Variants in GET3 observed in about 807,000 individuals in gnomAD.
GET3 encodes the protein guided entry of tail-anchored proteins factor 3, ATPase, also known as ATPase GET3.
In GET3, 15 loss-of-function variants were observed where a neutral mutation model predicts 32.4. That is an observed-to-expected ratio of 0.46 (90% CI 0.31 to 0.71). The LOEUF is 0.71. Among genes scored for constraint, GET3 ranks in the 30% least tolerant of loss-of-function variants. The pLI, the probability that GET3 is intolerant of heterozygous loss-of-function variation, is 0.05. For synonymous variants in GET3, 198 were observed against 185.6 expected, an observed-to-expected ratio of 1.07 and a Z score of -0.54; for missense variants, 333 against 459.0, an observed-to-expected ratio of 0.73 and a Z score of 2.51.
At position 12,745,286 on chromosome 19, in the gene GET3, C is replaced by T. The variant is rs936687359; in HGVS notation, c.310-91C>T. On this transcript the variant is annotated intron_variant, in intron 2 of 6. Coordinates refer to ENST00000357332, the MANE Select transcript of GET3 (RefSeq NM_004317.4). This position sits in a 1 kb window ranked among gnomAD's most constrained non-coding sequence, Gnocchi z 5.0. ...CACAGGCTCCCTCTGGCCCTGTGCCCGGGTAGGAAGGCTCCCCCTGGCCCT... is the reference window on the plus strand; with the variant it reads ...CACAGGCTCCCTCTGGCCCTGTGCCTGGGTAGGAAGGCTCCCCCTGGCCCT... The T allele has an allele frequency of 2.5e-5, 38 of 1,500,010 alleles. No homozygotes were observed. Among genetic ancestry groups the T allele is most frequent in the Middle Eastern group, 3.8e-4 (2 of 5,200 alleles). The allele number at this position is 1,500,010 out of a possible 1,614,324, so 92.9% of individuals were successfully genotyped here.
rs776785337 is a variant in GET3 at position 12,743,722 on chromosome 19, C to CTTTT, written c.310-1634_310-1631dup. Among the ~76,000 whole-genome samples the CTTTT allele has an allele frequency of 3.7e-4, 26 of 70,402 alleles. 1 individual carries two copies. The highest frequency in any genetic ancestry group is 1.3e-3 in the East Asian group (3 of 2,254). The allele number at this position is 70,402 out of a possible 152,430, so 46.2% of individuals were successfully genotyped here. On this transcript the variant is annotated intron_variant, in intron 2 of 6. Transcript: ENST00000357332. ...TGGGTGACAGAGCGAGACTCCATCT[C>CTTTT]TTTTTTTTTTTTTTTTTTTTTTTTG...
chr19:12,737,861 C>G (rs1967602511), intron 1 of GET3, among the ~76,000 whole-genome samples, 195 bp downstream of exon 1: 1 of 152,186 alleles, frequency 6.6e-6, no homozygotes, highest in South Asian at 2.1e-4. Flanking sequence ...GTTGGACCAT[C>G]CGTGTTGGGG....
chr19:12,745,839 C>T lies in GET3; in HGVS notation c.609+80C>T, dbSNP rs977001174. On this transcript the variant is annotated intron_variant, in intron 4 of 6. Transcript: ENST00000357332. The surrounding 1 kb of genome is among the most constrained non-coding windows in gnomAD (Gnocchi z 5.0). The stretch of plus-strand genomic sequence containing the variant: ...GCCCGGGCCCCCAGACCCTCAAATG[C>T]GCACTAACAATTCCCTTTCCTTCCC... 11 of 1,494,528 alleles carry T rather than the reference C, an allele frequency of 7.4e-6. No individual in the cohort carries two copies. Among genetic ancestry groups the T allele is most frequent in the African/African-American group, 4.2e-5 (3 of 71,600 alleles). 92.6% of individuals were successfully genotyped at this position (1,494,528 alleles called of 1,614,324 possible).
chr19:12,739,339 GT>G (rs1190553814), intron 2 of GET3, among the ~76,000 whole-genome samples: 1 of 149,108 alleles, frequency 6.7e-6, no homozygotes, highest in African/African-American at 2.4e-5. Context: ...TGTTAATTTT[GT>G]TTTTTTTAGG....
At chr19:12,743,701 T>C (rs202161303) in intron 2 of GET3, among the ~76,000 whole-genome samples, 7 of 136,348 alleles carry the variant, frequency 5.1e-5, no homozygotes, top group South Asian at 2.5e-4. Context: ...CCAGCCTGGG[T>C]GACAGAGCGA....
intron 2 of GET3, among the ~76,000 whole-genome samples, chr19:12,740,664 G>A (rs945720926): frequency 1.6e-4 from 24 of 152,210 alleles, no homozygotes; most frequent in African/African-American, 1.4e-4. Flanking sequence ...ACAACGGAGC[G>A]AGACTCAACA....
intron 2 of GET3, 113 bp downstream of exon 2, chr19:12,738,771 G>T (rs573232311): frequency 2.2e-6 from 3 of 1,353,376 alleles, no homozygotes; most frequent in Non-Finnish European, 3.0e-6. Flanking sequence ...TGTGTCTCTC[G>T]TGTTTCACTC....
At chr19:12,741,379 G>A (rs1455860713) in intron 2 of GET3, among the ~76,000 whole-genome samples, 1 of 150,482 alleles carries the variant, frequency 6.6e-6, no homozygotes, top group Non-Finnish European at 1.5e-5. Flanking sequence ...TGGCGTGAAC[G>A]CGGGAGGTGG....
chr19:12,739,119 C>A (rs887146791), intron 2 of GET3, among the ~76,000 whole-genome samples: 2 of 151,792 alleles, frequency 1.3e-5, no homozygotes, highest in Non-Finnish European at 1.5e-5. Context: ...ATGACAACAT[C>A]CTGGACTCTG....
rs1448852257 is a variant in GET3 at position 12,738,499 on chromosome 19, T to C, written c.162-12T>C. On this transcript the variant is annotated splice_polypyrimidine_tract_variant and intron_variant, in intron 1 of 6. Coordinates refer to ENST00000357332, the MANE Select transcript of GET3 (RefSeq NM_004317.4). ...CCCTCATCCCCTATCTTTTGACTTT[T>C]CCATTACTCAGCTGCAGCCTGGCAG... The C allele has an allele frequency of 2.0e-5, 33 of 1,613,728 alleles. No homozygotes were observed. Among genetic ancestry groups the C allele is most frequent in the Non-Finnish European group, 2.7e-5 (32 of 1,179,948 alleles).
Position 12,745,925 on chromosome 19 carries a change from C to G in GET3, c.609+166C>G, listed in dbSNP as rs544406967. 7.2e-4 allele frequency among the ~76,000 whole-genome samples: 109 copies of G among 152,302 alleles called. No individual in the cohort carries two copies. The highest frequency in any genetic ancestry group is 2.3e-3 in the African/African-American group (95 of 41,574). ...TGGGACGGAGCTGTCTTTCCTCCCC[C>G]ACAGGCAGGACTCAGTGTCCCTGCC... On this transcript the variant is annotated intron_variant, in intron 4 of 6. Coordinates refer to ENST00000357332, the MANE Select transcript of GET3 (RefSeq NM_004317.4). The surrounding 1 kb of genome is among the most constrained non-coding windows in gnomAD (Gnocchi z 5.0).
At chr19:12,744,469 G>A (rs1175520450) in intron 2 of GET3, among the ~76,000 whole-genome samples, 2 of 151,906 alleles carry the variant, frequency 1.3e-5, no homozygotes, top group Non-Finnish European at 2.9e-5. Flanking sequence ...ATAGGCACCC[G>A]CCACTATGCA....
rs1967760682 is a variant in GET3 at position 12,745,762 on chromosome 19, A to G, written c.609+3A>G. ...AGATCAGCCCTTTCATCTCACAGGC[A>G]GGCGGCGGGGGCCCCCACCTGCACC... On this transcript the variant is annotated splice_donor_region_variant and intron_variant, in intron 4 of 6. Coordinates refer to ENST00000357332, the MANE Select transcript of GET3 (RefSeq NM_004317.4). The surrounding 1 kb of genome is among the most constrained non-coding windows in gnomAD (Gnocchi z 5.0). The G allele has an allele frequency of 6.2e-7, 1 of 1,601,802 alleles. No homozygotes were observed. The highest frequency in any genetic ancestry group is 1.1e-5 in the South Asian group (1 of 90,112).
rs1368653097 is a variant in GET3 at position 12,740,109 on chromosome 19, G to A, written c.309+1451G>A. ...CAAAAAAAAAAAAAATTGGCTGGGC[G>A]CAGTGGCTCACTCCTGTCATCCCAG... On this transcript the variant is annotated intron_variant, in intron 2 of 6. Coordinates refer to ENST00000357332, the MANE Select transcript of GET3 (RefSeq NM_004317.4). 5.3e-5 allele frequency among the ~76,000 whole-genome samples: 8 copies of A among 151,802 alleles called. No individual in the cohort carries two copies. The East Asian group carries it at 7.7e-4, about 15-fold the overall frequency.
chr19:12,738,305 C>G (rs1023631082), intron 1 of GET3, among the ~76,000 whole-genome samples: 1 of 152,134 alleles, frequency 6.6e-6, no homozygotes, highest in African/African-American at 2.4e-5. Flanking sequence ...CCTTACCTCT[C>G]TAGTCCACAT....
At chr19:12,739,340 T>G (rs1475750040) in intron 2 of GET3, among the ~76,000 whole-genome samples, 1 of 149,084 alleles carries the variant, frequency 6.7e-6, no homozygotes, top group African/African-American at 2.4e-5. Context: ...GTTAATTTTG[T>G]TTTTTTTAGG....
rs1342108734 is a variant in GET3 at position 12,743,724 on chromosome 19, T to C, written c.310-1653T>C. Among the ~76,000 whole-genome samples, 21 of 72,082 alleles carry C rather than the reference T, an allele frequency of 2.9e-4. 1 individual carries two copies. Among genetic ancestry groups the C allele is most frequent in the African/African-American group, 2.4e-3 (20 of 8,322 alleles). The allele number at this position is 72,082 out of a possible 152,430, so 47.3% of individuals were successfully genotyped here. Reference sequence around the variant, plus strand: ...GGTGACAGAGCGAGACTCCATCTCTTTTTTTTTTTTTTTTTTTTTTTTGAG... The same window carrying C: ...GGTGACAGAGCGAGACTCCATCTCTCTTTTTTTTTTTTTTTTTTTTTTGAG... On this transcript the variant is annotated intron_variant, in intron 2 of 6. Transcript: ENST00000357332.
chr19:12,747,286 C>G lies in GET3; in HGVS notation c.699C>G (p.Ser233Arg), dbSNP rs761468766. 2 of 1,611,680 alleles carry G rather than the reference C, an allele frequency of 1.2e-6. No homozygotes were observed. Among genetic ancestry groups the G allele is most frequent in the East Asian group, 4.5e-5 (2 of 44,846 alleles). The change falls in exon 5 of 7, where the codon AGC becomes AGG. Residue 233 changes from serine to arginine, a missense_variant. Ser to Arg is a moderately radical substitution (Grantham distance 110). Transcript: ENST00000357332. This position sits in a 1 kb window ranked among gnomAD's most constrained non-coding sequence, Gnocchi z 4.0. ...CGCTGCCCGTCATCCGCTCAGTCAG[C>G]GAACAGTTCAAGGACCCTGTGAGTG... is the stretch of plus-strand genomic sequence containing the variant. ...EETLPVIRSVSEQFKDPEQTT... is the reference protein window; with the variant it reads ...EETLPVIRSVREQFKDPEQTT...
At chr19:12,740,307 G>C (rs1428253209) in intron 2 of GET3, among the ~76,000 whole-genome samples, 1 of 151,972 alleles carries the variant, frequency 6.6e-6, no homozygotes, top group African/African-American at 2.4e-5. Context: ...CGTGAACCCC[G>C]GAGGCGGAGC....
Sources: allele counts gnomAD v4.1 joint callset (sites outside exome capture counted in the v4.1 genomes callset), GRCh38; gene constraint gnomAD v4.1.1; non-coding constraint Gnocchi (gnomAD v3.1); transcripts MANE v1.5; gene names NCBI Gene and HGNC (gene_info 2026-07-23, HGNC 2026-07-21).